Variants in PKP1 observed in about 807,000 individuals in gnomAD.
PKP1 encodes plakophilin 1.
PKP1 carries 27 observed loss-of-function variants against 76.4 expected under a neutral mutation model. The observed-to-expected ratio is 0.35, with a 90% CI of 0.26 to 0.49. PKP1 has a LOEUF of 0.49. Ranked by LOEUF, PKP1 falls within the 20% of genes least tolerant of loss-of-function variation. The probability of loss-of-function intolerance (pLI) is 0.99; values close to 1 mark genes in which losing one functional copy is unlikely to be tolerated. For synonymous variants in PKP1, 404 were observed against 384.2 expected (o/e 1.05, Z -0.60); for missense variants, 964 against 955.2 (o/e 1.01, Z -0.12).
chr1:201,295,503 T>G (rs966066169), intron 2 of PKP1, among the ~76,000 whole-genome samples: 34 of 152,074 alleles, frequency 2.2e-4, no homozygotes, highest in Admixed American at 7.9e-4. Flanking sequence ...ATTGAGAAAA[T>G]GGCTTAGGAA....
intron 2 of PKP1, among the ~76,000 whole-genome samples, chr1:201,302,086 C>A (rs1229586177): frequency 6.6e-6 from 1 of 152,174 alleles, no homozygotes; most frequent in Admixed American, 6.5e-5. Context: ...GAGAAGTGCT[C>A]CAACCCGCGG....
Position 201,324,922 on chromosome 1 carries a change from C to A in PKP1, c.1835-19C>A, listed in dbSNP as rs1393428124. ...CCCCAGTCATCCTGACCCTGTGCCC[C>A]AACTCGTTCCTCTCCCAGGGAACCA... is the stretch of plus-strand genomic sequence containing the variant. On this transcript the variant is annotated intron_variant, in intron 10 of 13. Coordinates refer to ENST00000367324, the MANE Select transcript of PKP1 (RefSeq NM_001005337.3). 6 of 1,611,522 alleles carry A rather than the reference C, an allele frequency of 3.7e-6. No homozygotes were observed. The highest frequency in any genetic ancestry group is 5.1e-6 in the Non-Finnish European group (6 of 1,178,836).
chr1:201,311,946 G>A (rs1656568764), intron 2 of PKP1, among the ~76,000 whole-genome samples: 1 of 152,200 alleles, frequency 6.6e-6, no homozygotes, highest in Admixed American at 6.5e-5. Context: ...AACCTCACAG[G>A]CCCCTCCCAA....
intron 6 of PKP1, chr1:201,319,787 C>A (rs1261329381): frequency 9.3e-6 from 15 of 1,612,478 alleles, no homozygotes; most frequent in Non-Finnish European, 1.1e-5. Flanking sequence ...TCTGATCCAG[C>A]ATCAACAGGG....
intron 11 of PKP1, 72 bp from the exon 12 acceptor site, chr1:201,325,682 G>A (rs1657097440): frequency 8.7e-7 from 1 of 1,146,104 alleles, no homozygotes; most frequent in Non-Finnish European, 1.3e-6. Flanking sequence ...CAGTGGGGGT[G>A]GGAGGGAAGA....
At chr1:201,296,521 A>G (rs1428131606) in intron 2 of PKP1, among the ~76,000 whole-genome samples, 2 of 152,220 alleles carry the variant, frequency 1.3e-5, no homozygotes, top group Non-Finnish European at 2.9e-5. Flanking sequence ...AGAGCTGATG[A>G]AGGATCATTT....
chr1:201,323,803 G>A (rs1010272133), intron 9 of PKP1, among the ~76,000 whole-genome samples: 2 of 152,076 alleles, frequency 1.3e-5, no homozygotes, highest in African/African-American at 4.8e-5. Context: ...TGGCTGTGAG[G>A]AGAGAGGCTG....
chr1:201,309,308 G>A (rs374552805), intron 2 of PKP1, among the ~76,000 whole-genome samples: 138 of 152,024 alleles, frequency 9.1e-4, no homozygotes, highest in Middle Eastern at 3.4e-3. Flanking sequence ...AATTACACAA[G>A]CAGGCGGCAA....
chr1:201,312,834 A>T (rs1256441541), intron 2 of PKP1, among the ~76,000 whole-genome samples: 1 of 152,200 alleles, frequency 6.6e-6, no homozygotes, highest in African/African-American at 2.4e-5. Flanking sequence ...GTTGCAACCC[A>T]GTACCCATAC....
intron 2 of PKP1, among the ~76,000 whole-genome samples, chr1:201,302,453 A>G (rs1226517206): frequency 6.6e-6 from 1 of 152,206 alleles, no homozygotes; most frequent in Non-Finnish European, 1.5e-5. Context: ...AGTCATCAAA[A>G]TACAGTCCTG....
Position 201,317,659 on chromosome 1 carries a change from C to T in PKP1, c.934C>T (p.Arg312Cys), listed in dbSNP as rs1412701858. 5.0e-6 allele frequency: 8 copies of T among 1,613,876 alleles called. No homozygotes were observed. The highest frequency in any genetic ancestry group is 2.2e-5 in the East Asian group (1 of 44,874). Residue 312 changes from arginine to cysteine, a missense_variant, in exon 5 of 14, where the codon CGC (arginine) becomes TGC (cysteine). Arg to Cys is a radical substitution (Grantham distance 180). Coordinates refer to ENST00000367324, the MANE Select transcript of PKP1 (RefSeq NM_001005337.3). ...NVQQAAAGALRNLVFRSTTNK... is the reference protein window; with the variant it reads ...NVQQAAAGALCNLVFRSTTNK... ...CCAGCAGGCCGCGGCAGGGGCCCTG[C>T]GCAACCTGGTGTTCAGGAGCACCAC... is the stretch of plus-strand genomic sequence containing the variant.
At chr1:201,297,075 T>C (rs1656100405) in intron 2 of PKP1, among the ~76,000 whole-genome samples, 1 of 152,242 alleles carries the variant, frequency 6.6e-6, no homozygotes, top group South Asian at 2.1e-4. Flanking sequence ...ATATCAATAA[T>C]AGCCTTGTAA....
intron 2 of PKP1, among the ~76,000 whole-genome samples, chr1:201,302,083 G>T (rs754694369): frequency 6.6e-6 from 1 of 152,208 alleles, no homozygotes; most frequent in Admixed American, 6.5e-5. Flanking sequence ...AGGGAGAAGT[G>T]CTCCAACCCG....
At chr1:201,310,338 C>A (rs1656509586) in intron 2 of PKP1, among the ~76,000 whole-genome samples, 1 of 152,224 alleles carries the variant, frequency 6.6e-6, no homozygotes, top group Non-Finnish European at 1.5e-5. Flanking sequence ...AAAACTGAGG[C>A]ACGTTGGGCT....
At chr1:201,324,647 C>T in intron 10 of PKP1, 66 bp downstream of exon 10, 2 of 1,579,506 alleles carry the variant, frequency 1.3e-6, no homozygotes, top group South Asian at 1.1e-5. Context: ...TTCAAGCCTG[C>T]TTGAAGGTCA....
rs907455558 is a variant in PKP1, at chr1:201,283,630, C to T, written c.-73C>T. On this transcript the variant is annotated 5_prime_UTR_variant, in exon 1 of 14. Coordinates refer to ENST00000367324, the MANE Select transcript of PKP1 (RefSeq NM_001005337.3). Reference sequence around the variant, plus strand: ...GCGAGAAGAGCACGCTCCTGCCCGCCCGCTGCACCGCACCTCGCCTCGCCT... The same window carrying T: ...GCGAGAAGAGCACGCTCCTGCCCGCTCGCTGCACCGCACCTCGCCTCGCCT... 7.4e-7 allele frequency: 1 copy of T among 1,345,432 alleles called. No individual in the cohort carries two copies. Among genetic ancestry groups the T allele is most frequent in the African/African-American group, 1.5e-5 (1 of 68,592 alleles). 83.3% of individuals were successfully genotyped at this position (1,345,432 alleles called of 1,614,324 possible).
At chr1:201,287,277 T>C (rs1655768884) in intron 1 of PKP1, among the ~76,000 whole-genome samples, 1 of 152,214 alleles carries the variant, frequency 6.6e-6, no homozygotes, top group Non-Finnish European at 1.5e-5. Flanking sequence ...CCTGTGTCTA[T>C]TCAGCCCTCA....
chr1:201,314,330 C>G (rs776983817), intron 3 of PKP1, among the ~76,000 whole-genome samples: 4 of 152,104 alleles, frequency 2.6e-5, no homozygotes, highest in Non-Finnish European at 5.9e-5. Context: ...AGCATGGTGG[C>G]GGGTGCCTGT....
At position 201,325,006 on chromosome 1, in the gene PKP1, G is replaced by T; in HGVS notation, c.1900G>T (p.Glu634Ter). The stretch of plus-strand genomic sequence containing the variant: ...CCACACTGGCAATACCAGCAACTCC[G>T]AAGACATCTTGTCCTCGGCCTGCTA... The part of the protein sequence containing the change: ...TSHTGNTSNS[E>*]DILSSACYTV... Residue 634 changes from glutamate (E) to a stop codon, truncating the protein, a stop_gained, in exon 11 of 14, where the codon GAA becomes TAA. Transcript: ENST00000367324. LOFTEE classifies it high-confidence loss of function. 1 of 1,613,860 alleles carries T rather than the reference G, an allele frequency of 6.2e-7. No homozygotes were observed. The highest frequency in any genetic ancestry group is 8.5e-7 in the Non-Finnish European group (1 of 1,180,006).
Sources: allele counts gnomAD v4.1 joint callset (sites outside exome capture counted in the v4.1 genomes callset), GRCh38; gene constraint gnomAD v4.1.1; transcripts MANE v1.5; gene names NCBI Gene and HGNC (gene_info 2026-07-23, HGNC 2026-07-21).